STK32B: variants seen among roughly 807,000 people sequenced by gnomAD.
STK32B encodes serine/threonine-protein kinase 32B.
In STK32B, 43 loss-of-function variants were observed where a neutral mutation model predicts 52.6. The observed-to-expected ratio is 0.82, with a 90% CI of 0.64 to 1.05. The LOEUF (loss-of-function observed/expected upper bound fraction) is 1.05. Ranked by LOEUF, STK32B falls within the 50% of genes least tolerant of loss-of-function variation. The pLI, the probability that STK32B is intolerant of heterozygous loss-of-function variation, is 0.00. For missense variants in STK32B, 621 were observed against 534.6 expected, an observed-to-expected ratio of 1.16 and a Z score of -1.59; for synonymous variants, 238 against 204.3, an observed-to-expected ratio of 1.17 and a Z score of -1.41.
At chr4:5,176,056 T>G (rs1719854540) in intron 3 of STK32B, among the ~76,000 whole-genome samples, 1 of 152,218 alleles carries the variant, frequency 6.6e-6, no homozygotes, top group Non-Finnish European at 1.5e-5. Flanking sequence ...CAGACTGCTG[T>G]GCTAGCAATG....
At chr4:5,314,361 C>T (rs747254806) in intron 3 of STK32B, among the ~76,000 whole-genome samples, 66 of 152,196 alleles carry the variant, frequency 4.3e-4, no homozygotes, top group South Asian at 2.1e-4. Flanking sequence ...CACCAAACCT[C>T]ATGCCTTACA....
intron 3 of STK32B, among the ~76,000 whole-genome samples, chr4:5,265,280 A>C (rs765610836): frequency 2.0e-5 from 3 of 152,182 alleles, no homozygotes; most frequent in Non-Finnish European, 4.4e-5. Flanking sequence ...TGTTTCTACA[A>C]CTCCTGAGAG....
chr4:5,071,553 C>A (rs1362443431), intron 1 of STK32B, among the ~76,000 whole-genome samples: 1 of 152,144 alleles, frequency 6.6e-6, no homozygotes, highest in Admixed American at 6.6e-5. Flanking sequence ...AGCACACTTT[C>A]CAAACAAAAT....
intron 4 of STK32B, among the ~76,000 whole-genome samples, chr4:5,339,256 C>T (rs956783011): frequency 1.3e-5 from 2 of 152,194 alleles, no homozygotes; most frequent in African/African-American, 4.8e-5. Flanking sequence ...GCCTCCAAAA[C>T]CACGGGAGCC....
chr4:5,195,960 A>G (rs146128373), intron 3 of STK32B, among the ~76,000 whole-genome samples: 94 of 152,372 alleles, frequency 6.2e-4, no homozygotes, highest in African/African-American at 2.2e-3. Flanking sequence ...ATACATATAT[A>G]TGAAACTTAC....
intron 1 of STK32B, among the ~76,000 whole-genome samples, chr4:5,104,981 C>G (rs1280315580): frequency 6.6e-6 from 1 of 152,134 alleles, no homozygotes; most frequent in African/African-American, 2.4e-5. Flanking sequence ...AGTGAAATTT[C>G]TAGGTCATAG....
chr4:5,371,948 A>G lies in STK32B; in HGVS notation c.435-26259A>G, dbSNP rs549343641. On this transcript the variant is annotated intron_variant, in intron 4 of 11. Coordinates refer to ENST00000282908, the MANE Select transcript of STK32B (RefSeq NM_018401.3). ...GGGGCTGAAAGCACCTCCATGCAGA[A>G]CACACACAGGTGACTGCAGAGATGT... 1.7e-3 allele frequency among the ~76,000 whole-genome samples: 261 copies of G among 152,270 alleles called. 1 individual carries two copies. Among genetic ancestry groups the G allele is most frequent in the African/African-American group, 5.1e-3 (213 of 41,574 alleles).
chr4:5,285,197 A>G (rs576788007), intron 3 of STK32B, among the ~76,000 whole-genome samples: 1 of 152,288 alleles, frequency 6.6e-6, no homozygotes, highest in South Asian at 2.1e-4. Flanking sequence ...TGTTCTTGGT[A>G]AGGCTACCGG....
intron 3 of STK32B, among the ~76,000 whole-genome samples, chr4:5,329,455 G>T (rs1484593963): frequency 6.6e-6 from 1 of 152,108 alleles, no homozygotes; most frequent in African/African-American, 2.4e-5. Context: ...GTGCGTTCCT[G>T]ACCCAGTAAA....
chr4:5,342,444 G>A (rs187796222), intron 4 of STK32B, among the ~76,000 whole-genome samples: 22 of 152,254 alleles, frequency 1.4e-4, no homozygotes, highest in South Asian at 2.1e-4. Context: ...GCAAACTATC[G>A]CAAGGATAGA....
chr4:5,039,155 T>C, the STK32B span, among the ~76,000 whole-genome samples: 1 of 152,004 alleles, frequency 6.6e-6, no homozygotes. Context: ...CCCAGATATA[T>C]ATATATTTTT....
intron 1 of STK32B, among the ~76,000 whole-genome samples, chr4:5,134,269 G>T (rs908460397): frequency 5.9e-5 from 9 of 152,184 alleles, no homozygotes; most frequent in Non-Finnish European, 2.9e-5. Context: ...AAACAGTGTT[G>T]AGAGGAGAGG....
chr4:5,186,204 C>G (rs975388569), intron 3 of STK32B, among the ~76,000 whole-genome samples: 1 of 152,114 alleles, frequency 6.6e-6, no homozygotes. Flanking sequence ...CAGCCCTCCT[C>G]GGGACACCAG....
intron 4 of STK32B, among the ~76,000 whole-genome samples, chr4:5,375,495 A>G (rs1265079838): frequency 6.6e-6 from 1 of 152,096 alleles, no homozygotes; most frequent in African/African-American, 2.4e-5. Flanking sequence ...TTCATCTTCC[A>G]AACATTTCTA....
chr4:5,078,817 T>C (rs1181306235), intron 1 of STK32B, among the ~76,000 whole-genome samples: 1 of 152,106 alleles, frequency 6.6e-6, no homozygotes, highest in African/African-American at 2.4e-5. Flanking sequence ...TCCCAGAAGA[T>C]CAAACTCTGC....
At position 5,322,760 on chromosome 4, in the gene STK32B, C is replaced by A. The variant is rs552997149; in HGVS notation, c.261-8460C>A. ...GCTACACTGTTTGCCAGGCCCTGGG[C>A]AAGGTGAGATGGAGAGTCAGTCACT... On this transcript the variant is annotated intron_variant, in intron 3 of 11. Transcript: ENST00000282908. Among the ~76,000 whole-genome samples, 21 of 152,030 alleles carry A rather than the reference C, an allele frequency of 1.4e-4. No individual in the cohort carries two copies. In the South Asian group the frequency reaches 4.4e-3, roughly 32 times the overall value.
chr4:5,266,969 G>A (rs1727093728), intron 3 of STK32B, among the ~76,000 whole-genome samples: 1 of 152,044 alleles, frequency 6.6e-6, no homozygotes, highest in Admixed American at 6.6e-5. Context: ...CTGCAGCACA[G>A]GTTAAATAAA....
intron 1 of STK32B, among the ~76,000 whole-genome samples, chr4:5,063,440 T>G (rs1273985587): frequency 1.3e-5 from 2 of 152,060 alleles, no homozygotes; most frequent in Non-Finnish European, 2.9e-5. Flanking sequence ...CCTCCCAGGC[T>G]CTAGTGATTC....
chr4:5,447,821 A>G (rs1018561282), intron 7 of STK32B, among the ~76,000 whole-genome samples: 14 of 152,246 alleles, frequency 9.2e-5, no homozygotes, highest in African/African-American at 3.1e-4. Context: ...GTGTTCCTGG[A>G]CTGTGGGAGA....
Sources: gnomAD v4.1 joint callset for allele counts (sites outside exome capture counted in the v4.1 genomes callset) on GRCh38, gnomAD v4.1.1 for gene constraint, MANE v1.5 for transcripts, NCBI Gene and HGNC (gene_info 2026-07-23, HGNC 2026-07-21) for gene names.